Variants in RANBP2 observed in about 807,000 individuals in gnomAD.
The protein encoded by RANBP2 is E3 SUMO-protein ligase RanBP2.
In RANBP2, 57 loss-of-function variants were observed where a neutral mutation model predicts 303.6. The ratio of observed to expected loss-of-function variants is 0.19; its 90% CI spans 0.15 to 0.23. The LOEUF (loss-of-function observed/expected upper bound fraction) is 0.23, where lower values mean the gene tolerates loss of function less well. Ranked by LOEUF, RANBP2 falls within the 10% of genes least tolerant of loss-of-function variation. The pLI is 1.00. For synonymous variants in RANBP2, 1,167 were observed against 1,301.5 expected, an observed-to-expected ratio of 0.90 and a Z score of 2.23; for missense variants, 3,138 against 3,780.8, an observed-to-expected ratio of 0.83 and a Z score of 4.46.
At chr2:108,877,139 A>G in the RANBP2 span, among the ~76,000 whole-genome samples, 2 of 152,174 alleles carry the variant, frequency 1.3e-5, no homozygotes, top group African/African-American at 2.4e-5. Flanking sequence ...ATGAAAGAAC[A>G]GGCCAAGGTG....
chr2:109,384,350 G>A, the RANBP2 span, among the ~76,000 whole-genome samples: 2 of 152,184 alleles, frequency 1.3e-5, no homozygotes, highest in East Asian at 1.9e-4. Context: ...AAGGACCTGG[G>A]AGGAGGGAAC....
In RANBP2 at chr2:108,753,039, A is replaced by G. The variant is rs530276235; in HGVS notation, c.1797A>G (p.Ile599Met). The G allele has an allele frequency of 1.3e-4, 205 of 1,609,822 alleles. 4 individuals carry two copies. In the South Asian group the frequency reaches 2.2e-3, roughly 17 times the overall value. ...LNSFYDQREY[I>M]GRSVHYWKKV... ...CTTTTTATGATCAACGAGAATACAT[A>G]GGGAGAAGTGTTCATTATTGGAAGA... Residue 599 changes from isoleucine (I) to methionine (M), a missense_variant, in exon 13 of 29, where the codon ATA (isoleucine) becomes ATG (methionine). Coordinates refer to ENST00000283195, the MANE Select transcript of RANBP2 (RefSeq NM_006267.5).
At chr2:109,342,663 G>A in the RANBP2 span, among the ~76,000 whole-genome samples, 1 of 152,222 alleles carries the variant, frequency 6.6e-6, no homozygotes, top group Non-Finnish European at 1.5e-5. Context: ...TTACTCAGGG[G>A]TACGGCTTGC....
chr2:108,732,656 A>G (rs1444440049), intron 4 of RANBP2, among the ~76,000 whole-genome samples: 1 of 151,984 alleles, frequency 6.6e-6, no homozygotes, highest in Admixed American at 6.5e-5. Flanking sequence ...ATACAGAACT[A>G]CTCTATTACC....
At chr2:109,410,543 C>G in the RANBP2 span, among the ~76,000 whole-genome samples, 2 of 152,366 alleles carry the variant, frequency 1.3e-5, no homozygotes, top group South Asian at 2.1e-4. Context: ...CGACCTTGCA[C>G]TACTGGGCTC....
At chr2:108,923,530 G>A in the RANBP2 span, 6 of 1,384,350 alleles carry the variant, frequency 4.3e-6, no homozygotes, top group Non-Finnish European at 5.1e-6. Flanking sequence ...CAGAGAGCAC[G>A]GTGGCCAGTC....
the RANBP2 span, among the ~76,000 whole-genome samples, chr2:108,869,018 T>G: frequency 1.3e-5 from 2 of 152,170 alleles, no homozygotes; most frequent in African/African-American, 4.8e-5. Context: ...TTATTTTACT[T>G]TATAAAAATT....
At chr2:109,525,483 T>C in the RANBP2 span, among the ~76,000 whole-genome samples, 1 of 152,184 alleles carries the variant, frequency 6.6e-6, no homozygotes, top group Non-Finnish European at 1.5e-5. Context: ...GCTAGTTACC[T>C]GCACCCTCAC....
the RANBP2 span, among the ~76,000 whole-genome samples, chr2:109,168,351 TCAGAACC>T: frequency 1.3e-5 from 2 of 152,180 alleles, no homozygotes; most frequent in South Asian, 4.1e-4. Context: ...CTGTCTTTGT[TCAGAACC>T]CAGCTATCAG....
the RANBP2 span, chr2:108,930,265 T>G: frequency 6.2e-7 from 1 of 1,613,978 alleles, no homozygotes. Context: ...GGGGGTGTTG[T>G]GGCCTCCGTA....
intron 18 of RANBP2, among the ~76,000 whole-genome samples, chr2:108,760,181 A>G (rs1676626901): frequency 1.3e-5 from 2 of 152,226 alleles, no homozygotes; most frequent in Non-Finnish European, 2.9e-5. Flanking sequence ...GGAGATACTC[A>G]GAAGTACTGA....
chr2:109,738,977 A>G, the RANBP2 span, among the ~76,000 whole-genome samples: 1 of 149,626 alleles, frequency 6.7e-6, no homozygotes, highest in African/African-American at 2.4e-5. Flanking sequence ...GCATATAGAT[A>G]TCCAGCTTTT....
chr2:108,872,539 T>G, the RANBP2 span, among the ~76,000 whole-genome samples: 110,687 of 151,976 alleles, frequency 0.73, 43,042 homozygotes, highest in East Asian at 0.95. Context: ...TACCTGAGAC[T>G]GGGTAAGTTA....
At chr2:108,746,383 GT>G (rs1187199508) in intron 7 of RANBP2, among the ~76,000 whole-genome samples, 13 of 146,926 alleles carry the variant, frequency 8.8e-5, no homozygotes, top group African/African-American at 2.5e-4. Flanking sequence ...CTGGCTCTTT[GT>G]TTTTTTTTTA....
At chr2:108,722,038 T>C (rs2149061960) in intron 1 of RANBP2, among the ~76,000 whole-genome samples, 1 of 137,900 alleles carries the variant, frequency 7.3e-6, no homozygotes, top group South Asian at 2.2e-4. Flanking sequence ...CTCAGCCTGA[T>C]TTTTTTTTTT....
the RANBP2 span, among the ~76,000 whole-genome samples, chr2:109,012,390 C>T: frequency 6.6e-6 from 1 of 152,182 alleles, no homozygotes; most frequent in South Asian, 2.1e-4. Context: ...GCGTACCTGG[C>T]ATCCTTCGGT....
rs1423280642 is a variant in RANBP2, at chr2:108,777,991, T to C, written c.8599+760T>C. On this transcript the variant is annotated intron_variant, in intron 25 of 28. Transcript: ENST00000283195. ...GCCACCTAGAAACACATAAAACTTT[T>C]AGAAATTACCTTCAGATGTGATGTT... Among the ~76,000 whole-genome samples the C allele has an allele frequency of 2.6e-5, 4 of 152,192 alleles. No homozygotes were observed. The East Asian group carries it at 7.7e-4, about 29-fold the overall frequency.
chr2:109,126,932 T>A, the RANBP2 span, among the ~76,000 whole-genome samples: 2 of 152,184 alleles, frequency 1.3e-5, no homozygotes, highest in African/African-American at 4.8e-5. Flanking sequence ...TACCATCTGC[T>A]CTTGGATCAA....
the RANBP2 span, among the ~76,000 whole-genome samples, chr2:109,271,110 C>T: frequency 6.6e-6 from 1 of 152,186 alleles, no homozygotes. Context: ...ACCCAGCCAG[C>T]GAACGGGGCG....
Sources: gnomAD v4.1 joint callset for allele counts (sites outside exome capture counted in the v4.1 genomes callset) on GRCh38, gnomAD v4.1.1 for gene constraint, MANE v1.5 for transcripts, NCBI Gene and HGNC (gene_info 2026-07-23, HGNC 2026-07-21) for gene names.